Variants in FANCI observed in about 807,000 individuals in gnomAD.
The protein encoded by FANCI is FA complementation group I.
Under a neutral mutation model 176.1 loss-of-function variants are expected in FANCI, and 156 were observed. The ratio of observed to expected loss-of-function variants is 0.89; its 90% CI spans 0.78 to 1.01. The LOEUF (loss-of-function observed/expected upper bound fraction) is 1.01, where lower values mean the gene tolerates loss of function less well. Ranked by LOEUF, FANCI falls within the 50% of genes least tolerant of loss-of-function variation. FANCI has a pLI of 0.00. For missense variants in FANCI, 1,678 were observed against 1,534.1 expected (o/e 1.09, Z -1.57); for synonymous variants, 613 against 541.7 (o/e 1.13, Z -1.83).
chr15:89,297,340 C>T (rs1337437183), intron 24 of FANCI, among the ~76,000 whole-genome samples: 1 of 152,126 alleles, frequency 6.6e-6, no homozygotes, highest in East Asian at 1.9e-4. Context: ...AGAGACGCTC[C>T]TCACTTCCCA....
intron 32 of FANCI, among the ~76,000 whole-genome samples, chr15:89,307,133 T>C (rs1406251922): frequency 6.6e-6 from 1 of 152,220 alleles, no homozygotes; most frequent in African/African-American, 2.4e-5. Flanking sequence ...TCTAGCTACA[T>C]GTGGCTAAGC....
In FANCI at chr15:89,299,782, C is replaced by A; in HGVS notation, c.2637-18C>A. 1.2e-6 allele frequency: 2 copies of A among 1,611,434 alleles called. No individual in the cohort carries two copies. The highest frequency in any genetic ancestry group is 1.1e-5 in the South Asian group (1 of 90,730). ...GTGAACCTGTCTTTAAAAACAATAC[C>A]ACTTTCTCCTGCTTCAGAGTCTTGC... is the stretch of plus-strand genomic sequence containing the variant. On this transcript the variant is annotated intron_variant, in intron 24 of 37. Coordinates refer to ENST00000310775, the MANE Select transcript of FANCI (RefSeq NM_001113378.2).
chr15:89,310,882 T>C (rs533845986), intron 34 of FANCI, among the ~76,000 whole-genome samples: 2 of 151,922 alleles, frequency 1.3e-5, no homozygotes, highest in African/African-American at 4.8e-5. Context: ...CCCAGCACTT[T>C]GGGAGGCCGA....
intron 2 of FANCI, among the ~76,000 whole-genome samples, chr15:89,258,324 A>AT (rs1376906997): frequency 2.0e-5 from 3 of 151,606 alleles, no homozygotes; most frequent in African/African-American, 7.3e-5. Context: ...TTCTTTTACA[A>AT]TTTTTTTCTG....
At chr15:89,291,191 T>A (rs2054054228) in intron 19 of FANCI, among the ~76,000 whole-genome samples, 1 of 152,224 alleles carries the variant, frequency 6.6e-6, no homozygotes, top group Non-Finnish European at 1.5e-5. Context: ...TGTATTGTCA[T>A]GTTTAATCCT....
chr15:89,254,865 T>G (rs944401028), intron 2 of FANCI, among the ~76,000 whole-genome samples: 3 of 152,188 alleles, frequency 2.0e-5, no homozygotes, highest in African/African-American at 4.8e-5. Flanking sequence ...TTCTCTTGCT[T>G]ACAGTGCAGG....
chr15:89,314,960 A>C (rs1322999195), intron 36 of FANCI, among the ~76,000 whole-genome samples: 1 of 150,944 alleles, frequency 6.6e-6, no homozygotes, highest in African/African-American at 2.4e-5. Flanking sequence ...ATATGCCATC[A>C]TACCCCACTA....
At chr15:89,294,043 C>G (rs375391010) in intron 23 of FANCI, 46 bp downstream of exon 23, 6 of 1,594,580 alleles carry the variant, frequency 3.8e-6, no homozygotes, top group Non-Finnish European at 5.2e-6. Flanking sequence ...CCCTGAGGAT[C>G]GTATACCTAC....
At chr15:89,273,256 A>T in intron 10 of FANCI, 121 bp from the exon 11 acceptor site, 1 of 645,800 alleles carries the variant, frequency 1.5e-6, no homozygotes, top group Non-Finnish European at 2.8e-6. Flanking sequence ...GTGAGCTATG[A>T]TTGCATCACT....
chr15:89,301,506 A>T (rs2054523389), intron 27 of FANCI, 64 bp downstream of exon 27: 1 of 1,063,220 alleles, frequency 9.4e-7, no homozygotes, highest in South Asian at 1.2e-5. Context: ...ATTGCATCAT[A>T]AAAGTGTATA....
At chr15:89,267,511 A>G (rs1374345898) in intron 9 of FANCI, among the ~76,000 whole-genome samples, 1 of 152,028 alleles carries the variant, frequency 6.6e-6, no homozygotes, top group African/African-American at 2.4e-5. Context: ...ATCTAATGTT[A>G]TTGTGGGGGT....
chr15:89,307,467 T>A lies in FANCI; in HGVS notation c.3538-9T>A. 1.2e-6 allele frequency: 2 copies of A among 1,613,404 alleles called. No individual in the cohort carries two copies. Among genetic ancestry groups the A allele is most frequent in the South Asian group, 1.1e-5 (1 of 90,946 alleles). ...CAGTCTACTAAATCTAGGAATCTTTTTTTATTAGTATCTCCAGGTGTGTCA... is the reference window on the plus strand; with the variant it reads ...CAGTCTACTAAATCTAGGAATCTTTATTTATTAGTATCTCCAGGTGTGTCA... On this transcript the variant is annotated splice_polypyrimidine_tract_variant and intron_variant, in intron 32 of 37. Transcript: ENST00000310775.
chr15:89,300,202 T>C, intron 25 of FANCI, 98 bp from the exon 26 acceptor site: 2 of 1,254,192 alleles, frequency 1.6e-6, no homozygotes, highest in Non-Finnish European at 2.3e-6. Context: ...TAAGTCTGCC[T>C]TTAGACTTTT....
At chr15:89,273,503 G>A (rs773701774) in intron 11 of FANCI, 34 bp downstream of exon 11, 2 of 605,478 alleles carry the variant, frequency 3.3e-6, no homozygotes, top group East Asian at 3.4e-5. Flanking sequence ...GTTTCTTTCT[G>A]TAGTTGGTAA....
In FANCI at chr15:89,311,700, A is replaced by T. The variant is rs148875849; in HGVS notation, c.3652-1204A>T. On this transcript the variant is annotated intron_variant, in intron 34 of 37. Transcript: ENST00000310775. Reference sequence around the variant, plus strand: ...CCCTCTGGAATGTCTGCAGTTCCTTATTTTCCAGAACGTGGCATGTGGAAC... The same window carrying T: ...CCCTCTGGAATGTCTGCAGTTCCTTTTTTTCCAGAACGTGGCATGTGGAAC... Among the ~76,000 whole-genome samples, 524 of 152,128 alleles carry T rather than the reference A, an allele frequency of 3.4e-3. 8 individuals carry two copies. Among genetic ancestry groups the T allele is most frequent in the Non-Finnish European group, 4.8e-3 (325 of 67,996 alleles).
chr15:89,309,335 GAC>G (rs1567176706), intron 34 of FANCI, among the ~76,000 whole-genome samples: 1 of 151,652 alleles, frequency 6.6e-6, no homozygotes, highest in African/African-American at 2.4e-5. Context: ...TACCTATAAA[GAC>G]ACATTTCACA....
intron 34 of FANCI, among the ~76,000 whole-genome samples, chr15:89,311,501 T>C (rs2054960280): frequency 6.6e-6 from 1 of 151,516 alleles, no homozygotes; most frequent in Non-Finnish European, 1.5e-5. Flanking sequence ...AGGGTTGATC[T>C]AAGGAGTTCC....
intron 2 of FANCI, among the ~76,000 whole-genome samples, chr15:89,250,919 C>G (rs887070858): frequency 6.7e-6 from 1 of 150,202 alleles, no homozygotes; most frequent in Non-Finnish European, 1.5e-5. Context: ...ACTCAAAAAC[C>G]TAGAAAAAAG....
chr15:89,309,460 A>G (rs1272230062), intron 34 of FANCI, among the ~76,000 whole-genome samples: 1 of 152,206 alleles, frequency 6.6e-6, no homozygotes, highest in Non-Finnish European at 1.5e-5. Flanking sequence ...TGCATATTAA[A>G]GGTGCTGAGA....
Sources: gnomAD v4.1 joint callset for allele counts (sites outside exome capture counted in the v4.1 genomes callset) on GRCh38, gnomAD v4.1.1 for gene constraint, MANE v1.5 for transcripts, NCBI Gene and HGNC (gene_info 2026-07-23, HGNC 2026-07-21) for gene names.